The following GALNT17 variants were observed in gnomAD, a reference collection of about 807,000 sequenced individuals.
The protein encoded by GALNT17 is polypeptide N-acetylgalactosaminyltransferase 17, also known as UDP-GalNAc:polypeptide N-acetylgalactosaminyltransferase-like 3.
A neutral mutation model predicts 63.7 loss-of-function variants in GALNT17; 29 were observed. That is an observed-to-expected ratio of 0.46 (90% CI 0.34 to 0.62). GALNT17 has a LOEUF of 0.62. Among genes scored for constraint, GALNT17 ranks in the 20% least tolerant of loss-of-function variants. The pLI is 0.01. For synonymous variants in GALNT17, 305 were observed against 318.3 expected, an observed-to-expected ratio of 0.96 and a Z score of 0.45; for missense variants, 603 against 799.6, an observed-to-expected ratio of 0.75 and a Z score of 2.97.
At chr7:71,308,120 T>C (rs1364766785) in intron 1 of GALNT17, among the ~76,000 whole-genome samples, 3 of 152,164 alleles carry the variant, frequency 2.0e-5, no homozygotes, top group African/African-American at 4.8e-5. Context: ...AGTGACAAAG[T>C]AGCAAATAGG....
At chr7:71,549,892 G>A (rs573437542) in intron 5 of GALNT17, among the ~76,000 whole-genome samples, 96 of 151,818 alleles carry the variant, frequency 6.3e-4, no homozygotes, top group African/African-American at 2.1e-3. Flanking sequence ...CAGAGAAAGC[G>A]TGTGGCTTTC....
intron 6 of GALNT17, among the ~76,000 whole-genome samples, chr7:71,655,121 A>T (rs1790810220): frequency 6.6e-6 from 1 of 151,920 alleles, no homozygotes; most frequent in Admixed American, 6.6e-5. Flanking sequence ...TAGGCGTAGT[A>T]GTGTTCAGCT....
At chr7:71,349,186 A>G (rs1439475846) in intron 2 of GALNT17, among the ~76,000 whole-genome samples, 1 of 152,246 alleles carries the variant, frequency 6.6e-6, no homozygotes, top group Non-Finnish European at 1.5e-5. Flanking sequence ...TTGTGAGTAC[A>G]GTAAACATTC....
intron 1 of GALNT17, among the ~76,000 whole-genome samples, chr7:71,205,811 A>G (rs1001856397): frequency 1.3e-5 from 2 of 152,138 alleles, no homozygotes; most frequent in Non-Finnish European, 2.9e-5. Flanking sequence ...ATTGTTTTAC[A>G]TGACTCTTTC....
chr7:71,644,527 CAAAA>C (rs58497593), intron 6 of GALNT17, among the ~76,000 whole-genome samples: 45 of 23,642 alleles, frequency 1.9e-3, no homozygotes, highest in African/African-American at 9.9e-3. Context: ...GACTCCATCT[CAAAA>C]AAAAAAAAAA....
intron 1 of GALNT17, among the ~76,000 whole-genome samples, chr7:71,282,692 G>A (rs985028977): frequency 6.6e-5 from 10 of 151,982 alleles, no homozygotes; most frequent in Non-Finnish European, 1.2e-4. Flanking sequence ...TCCATCTCAA[G>A]GGAGGGCTGT....
chr7:71,287,301 G>A (rs1790893120), intron 1 of GALNT17, among the ~76,000 whole-genome samples: 1 of 151,600 alleles, frequency 6.6e-6, no homozygotes, highest in African/African-American at 2.4e-5. Flanking sequence ...TGTTTTCTGG[G>A]CTTGTCACAA....
chr7:71,433,190 A>G (rs1033722826), intron 5 of GALNT17, among the ~76,000 whole-genome samples: 2 of 152,216 alleles, frequency 1.3e-5, no homozygotes, highest in African/African-American at 4.8e-5. Flanking sequence ...GTCATCTTCC[A>G]GATAAAAACA....
chr7:71,262,240 T>A (rs1455581474), intron 1 of GALNT17, among the ~76,000 whole-genome samples: 5 of 152,108 alleles, frequency 3.3e-5, no homozygotes, highest in Admixed American at 2.0e-4. Flanking sequence ...GCCTTCTGAG[T>A]AGCTGGGACT....
At chr7:71,600,261 A>G (rs1410347896) in intron 6 of GALNT17, among the ~76,000 whole-genome samples, 2 of 151,626 alleles carry the variant, frequency 1.3e-5, no homozygotes, top group Non-Finnish European at 2.9e-5. Flanking sequence ...AAAAAAAAAA[A>G]GTCTAAAGGC....
chr7:71,598,669 A>G (rs548105862), intron 6 of GALNT17, among the ~76,000 whole-genome samples: 3 of 152,316 alleles, frequency 2.0e-5, no homozygotes, highest in East Asian at 1.9e-4. Flanking sequence ...AAAAGAATCT[A>G]TGGAAATGCC....
chr7:71,614,291 A>G (rs1387920546), intron 6 of GALNT17, among the ~76,000 whole-genome samples: 2 of 150,990 alleles, frequency 1.3e-5, no homozygotes, highest in African/African-American at 2.4e-5. Context: ...TTGAGCACAG[A>G]TATGACTCAA....
At chr7:71,699,251 C>A (rs571462789) in intron 9 of GALNT17, among the ~76,000 whole-genome samples, 3 of 150,404 alleles carry the variant, frequency 2.0e-5, no homozygotes, top group African/African-American at 7.3e-5. Context: ...AGGCCGAGGC[C>A]GGTGGATCAC....
rs943331882 is a variant in GALNT17, at chr7:71,712,312, C to A, written c.*166C>A. 3 of 784,108 alleles carry A rather than the reference C, an allele frequency of 3.8e-6. No homozygotes were observed. The highest frequency in any genetic ancestry group is 1.9e-5 in the South Asian group (1 of 51,910). The allele number at this position is 784,108 out of a possible 1,614,324, so 48.6% of individuals were successfully genotyped here. ...CAGGGACCCCGGATGAAGACTCTGTCCCCCCTCAGGCATTCAGCTGCCCAC... is the reference window on the plus strand; with the variant it reads ...CAGGGACCCCGGATGAAGACTCTGTACCCCCTCAGGCATTCAGCTGCCCAC... On this transcript the variant is annotated 3_prime_UTR_variant, in exon 11 of 11. Coordinates refer to ENST00000333538, the MANE Select transcript of GALNT17 (RefSeq NM_022479.3).
At chr7:71,320,144 G>A (rs1019232330) in intron 1 of GALNT17, among the ~76,000 whole-genome samples, 3 of 152,126 alleles carry the variant, frequency 2.0e-5, no homozygotes, top group Admixed American at 2.0e-4. Flanking sequence ...CATACTCTCT[G>A]CCCTCTTCAC....
At chr7:71,314,149 A>AT (rs563178124) in intron 1 of GALNT17, among the ~76,000 whole-genome samples, 12 of 152,186 alleles carry the variant, frequency 7.9e-5, no homozygotes, top group Admixed American at 5.9e-4. Context: ...CAATTGAAAT[A>AT]TTTTTTTATG....
chr7:71,575,279 C>T (rs1789517163), intron 6 of GALNT17, among the ~76,000 whole-genome samples: 1 of 152,062 alleles, frequency 6.6e-6, no homozygotes, highest in Non-Finnish European at 1.5e-5. Flanking sequence ...ATATAATTTT[C>T]ATGTAGTGTA....
At chr7:71,194,903 G>A (rs905445165) in intron 1 of GALNT17, among the ~76,000 whole-genome samples, 4 of 152,170 alleles carry the variant, frequency 2.6e-5, no homozygotes, top group South Asian at 2.1e-4. Context: ...GGACTGCCCC[G>A]GTGTCTGGAG....
chr7:71,653,089 C>T (rs940430266), intron 6 of GALNT17, among the ~76,000 whole-genome samples: 20 of 152,128 alleles, frequency 1.3e-4, no homozygotes, highest in African/African-American at 4.8e-4. Context: ...AATCTCGGCT[C>T]ACTGCAACCT....
Sources: allele counts gnomAD v4.1 joint callset (sites outside exome capture counted in the v4.1 genomes callset), GRCh38; gene constraint gnomAD v4.1.1; transcripts MANE v1.5; gene names NCBI Gene and HGNC (gene_info 2026-07-23, HGNC 2026-07-21).